PRKCA: variants seen among roughly 807,000 people sequenced by gnomAD.
PRKCA encodes protein kinase C alpha, also known as protein kinase C alpha type.
A neutral mutation model predicts 87.0 loss-of-function variants in PRKCA; 27 were observed. The observed-to-expected ratio is 0.31, with a 90% CI of 0.23 to 0.43. The LOEUF is 0.43. PRKCA is among the 20% of genes least tolerant of loss of function. The pLI, the probability that PRKCA is intolerant of heterozygous loss-of-function variation, is 1.00. For synonymous variants in PRKCA, 329 were observed against 311.1 expected (o/e 1.06, Z -0.61); for missense variants, 518 against 852.3 (o/e 0.61, Z 4.88).
chr17:66,679,472 GC>G (rs1972432330), intron 5 of PRKCA, among the ~76,000 whole-genome samples: 1 of 152,170 alleles, frequency 6.6e-6, no homozygotes, highest in African/African-American at 2.4e-5. Flanking sequence ...GAGCCACCGT[GC>G]CCGGCCTACA....
chr17:66,419,372 T>C (rs1163378833), intron 2 of PRKCA, among the ~76,000 whole-genome samples: 2 of 152,210 alleles, frequency 1.3e-5, no homozygotes, highest in African/African-American at 4.8e-5. Context: ...CTTTCTTCAT[T>C]TAATATAACA....
At chr17:66,710,350 G>A (rs16960085) in intron 8 of PRKCA, among the ~76,000 whole-genome samples, 5,523 of 152,006 alleles carry the variant, frequency 0.036, 325 homozygotes, top group African/African-American at 0.12. Flanking sequence ...ACTCAATCTC[G>A]TTTTCTCACA....
At chr17:66,610,832 C>T (rs528506826) in intron 3 of PRKCA, among the ~76,000 whole-genome samples, 127 of 152,084 alleles carry the variant, frequency 8.4e-4, no homozygotes, top group South Asian at 1.7e-3. Context: ...TTTGAAATTG[C>T]GGAGGGCTAG....
intron 2 of PRKCA, among the ~76,000 whole-genome samples, chr17:66,374,501 G>A (rs908414634): frequency 6.6e-6 from 1 of 152,102 alleles, no homozygotes; most frequent in East Asian, 1.9e-4. Context: ...CCAGCCTAGT[G>A]GAGACTTGCT....
intron 14 of PRKCA, chr17:66,775,225 G>T (rs1975020073): frequency 2.0e-6 from 2 of 981,778 alleles, no homozygotes; most frequent in African/African-American, 3.5e-5. Flanking sequence ...TGGGGGTGGG[G>T]CACTGACCCA....
chr17:66,345,972 C>A (rs1486015634), intron 2 of PRKCA, among the ~76,000 whole-genome samples: 1 of 152,100 alleles, frequency 6.6e-6, no homozygotes, highest in African/African-American at 2.4e-5. Context: ...GCCACTGGAA[C>A]ATAATGTCCA....
intron 4 of PRKCA, among the ~76,000 whole-genome samples, chr17:66,642,231 A>G (rs1971315873): frequency 6.6e-6 from 1 of 151,566 alleles, no homozygotes; most frequent in Non-Finnish European, 1.5e-5. Context: ...CCGAGTTCAC[A>G]CCATTCTCTT....
chr17:66,677,432 A>G (rs552495438), intron 5 of PRKCA: 2 of 152,352 alleles, frequency 1.3e-5, no homozygotes, highest in South Asian at 2.1e-4. Context: ...TTGTTCACAT[A>G]TCGTCCGTGT....
chr17:66,374,770 C>A (rs1401214399), intron 2 of PRKCA, among the ~76,000 whole-genome samples: 1 of 147,728 alleles, frequency 6.8e-6, no homozygotes, highest in Non-Finnish European at 1.5e-5. Flanking sequence ...CTCTGTCGTC[C>A]AGGCTGGAGC....
intron 8 of PRKCA, among the ~76,000 whole-genome samples, chr17:66,707,078 C>T (rs768732238): frequency 2.6e-5 from 4 of 152,146 alleles, no homozygotes; most frequent in Non-Finnish European, 5.9e-5. Flanking sequence ...ACACCCTTCC[C>T]TATGACACCC....
intron 2 of PRKCA, among the ~76,000 whole-genome samples, chr17:66,489,301 G>T (rs1916114262): frequency 7.1e-6 from 1 of 140,634 alleles, no homozygotes; most frequent in Admixed American, 7.4e-5. Context: ...GAGGGTGAAA[G>T]GAAAGGAAAT....
At chr17:66,471,707 T>TGG (rs1915335941) in intron 2 of PRKCA, among the ~76,000 whole-genome samples, 1 of 149,474 alleles carries the variant, frequency 6.7e-6, no homozygotes, top group East Asian at 2.0e-4. Flanking sequence ...TTTTTAAAAA[T>TGG]GGGCTGAAGA....
intron 2 of PRKCA, among the ~76,000 whole-genome samples, chr17:66,337,487 T>G (rs1906773393): frequency 6.6e-6 from 1 of 152,084 alleles, no homozygotes; most frequent in African/African-American, 2.4e-5. Context: ...CCTCTCAGGC[T>G]CAAGTGATCC....
rs749708964 is a variant in PRKCA at position 66,608,667 on chromosome 17, C to T, written c.289-32688C>T. On this transcript the variant is annotated intron_variant, in intron 3 of 16. Coordinates refer to ENST00000413366, the MANE Select transcript of PRKCA (RefSeq NM_002737.3). ...AAAAATCCTCCAGTTTCGTTATGGA[C>T]GTGATGAATGAGACACCCACGGAGT... Among the ~76,000 whole-genome samples, 4 of 152,150 alleles carry T rather than the reference C, an allele frequency of 2.6e-5. No homozygotes were observed. In the East Asian group the frequency reaches 7.7e-4, roughly 29 times the overall value.
chr17:66,693,499 G>A (rs1972833857), intron 8 of PRKCA, among the ~76,000 whole-genome samples: 1 of 152,214 alleles, frequency 6.6e-6, no homozygotes, highest in South Asian at 2.1e-4. Flanking sequence ...TGGGAACAAA[G>A]CAGGGAGCTT....
At chr17:66,738,655 A>G (rs373159386) in intron 10 of PRKCA, 109 bp from the exon 11 acceptor site, 4 of 838,940 alleles carry the variant, frequency 4.8e-6, no homozygotes, top group Admixed American at 4.3e-5. Flanking sequence ...ACATCTGCCC[A>G]TGCAGTCCCC....
At chr17:66,507,566 C>T (rs1056328055) in intron 3 of PRKCA, among the ~76,000 whole-genome samples, 9 of 152,170 alleles carry the variant, frequency 5.9e-5, no homozygotes, top group Non-Finnish European at 1.3e-4. Context: ...GGCAGATTAG[C>T]AACGTGAACT....
intron 2 of PRKCA, among the ~76,000 whole-genome samples, chr17:66,435,756 G>A (rs72838278): frequency 0.042 from 6,343 of 152,280 alleles, 194 homozygotes; most frequent in Admixed American, 0.074. Flanking sequence ...ACTTTTTGGG[G>A]GAGGGGGGTG....
chr17:66,789,159 G>T (rs1364012937), intron 16 of PRKCA, among the ~76,000 whole-genome samples, 180 bp downstream of exon 16: 1 of 152,354 alleles, frequency 6.6e-6, no homozygotes, highest in East Asian at 1.9e-4. Context: ...GATTCCTGCT[G>T]CCTTCAGAGA....
Sources: allele counts gnomAD v4.1 joint callset (sites outside exome capture counted in the v4.1 genomes callset), GRCh38; gene constraint gnomAD v4.1.1; transcripts MANE v1.5; gene names NCBI Gene and HGNC (gene_info 2026-07-23, HGNC 2026-07-21).